Variants in ADGRB3 observed in about 807,000 individuals in gnomAD.
ADGRB3 encodes the protein brain-specific angiogenesis inhibitor 3.
In ADGRB3, 37 loss-of-function variants were observed where a neutral mutation model predicts 193.4. The ratio of observed to expected loss-of-function variants is 0.19; its 90% confidence interval spans 0.15 to 0.25. The LOEUF (loss-of-function observed/expected upper bound fraction) is 0.25, where lower values mean the gene tolerates loss of function less well. ADGRB3 is among the 10% of genes least tolerant of loss of function. ADGRB3 has a pLI of 1.00. For synonymous variants in ADGRB3, 690 were observed against 644.2 expected (o/e 1.07, Z -1.08); for missense variants, 1,637 against 1,852.9 (o/e 0.88, Z 2.14).
At chr6:69,038,237 C>A (rs1770931906) in intron 13 of ADGRB3, among the ~76,000 whole-genome samples, 1 of 152,052 alleles carries the variant, frequency 6.6e-6, no homozygotes, top group Admixed American at 6.6e-5. Flanking sequence ...TTTTTGCCTG[C>A]ATTGGTGCCT....
rs150800076 is a variant in ADGRB3, at chr6:69,139,873, C to G, written c.2480+63835C>G. On this transcript the variant is annotated intron_variant, in intron 17 of 31. Coordinates refer to ENST00000370598, the MANE Select transcript of ADGRB3 (RefSeq NM_001704.3). ...AAAGTGAATAAGTAAGAATATTTTTCTATTTTGAAGGTAATTTAGAAGTCA... is the reference window on the plus strand; with the variant it reads ...AAAGTGAATAAGTAAGAATATTTTTGTATTTTGAAGGTAATTTAGAAGTCA... 3.5e-3 allele frequency among the ~76,000 whole-genome samples: 538 copies of G among 152,192 alleles called. 3 individuals are homozygous for G. The highest frequency in any genetic ancestry group is 7.5e-3 in the Admixed American group (115 of 15,284).
At chr6:69,057,836 G>A (rs1771591066) in intron 15 of ADGRB3, among the ~76,000 whole-genome samples, 1 of 151,910 alleles carries the variant, frequency 6.6e-6, no homozygotes, top group African/African-American at 2.4e-5. Flanking sequence ...TGGTTTGCTA[G>A]CATTTTGTTG....
chr6:68,793,156 G>A (rs1340033942), intron 3 of ADGRB3, among the ~76,000 whole-genome samples: 1 of 152,088 alleles, frequency 6.6e-6, no homozygotes, highest in African/African-American at 2.4e-5. Context: ...TAAGTAGACT[G>A]AAATAGCACA....
At chr6:69,089,567 TA>T (rs535761783) in intron 17 of ADGRB3, among the ~76,000 whole-genome samples, 21 of 152,258 alleles carry the variant, frequency 1.4e-4, no homozygotes, top group African/African-American at 4.8e-4. Flanking sequence ...CACTGGAAAA[TA>T]AAAAAATAAA....
At chr6:69,124,900 T>G (rs1165892141) in intron 17 of ADGRB3, among the ~76,000 whole-genome samples, 1 of 152,100 alleles carries the variant, frequency 6.6e-6, no homozygotes, top group Non-Finnish European at 1.5e-5. Flanking sequence ...TTTTTTTCTT[T>G]AAATGCCTTA....
intron 17 of ADGRB3, among the ~76,000 whole-genome samples, chr6:69,111,217 C>A (rs1295907896): frequency 1.3e-5 from 2 of 152,098 alleles, no homozygotes; most frequent in African/African-American, 4.8e-5. Flanking sequence ...ATAGCACAAC[C>A]ATTCTTAGGA....
intron 17 of ADGRB3, among the ~76,000 whole-genome samples, chr6:69,114,953 T>C (rs538351975): frequency 1.3e-5 from 2 of 152,246 alleles, no homozygotes; most frequent in East Asian, 3.9e-4. Context: ...CAACAGATGC[T>C]GGAGAGGATG....
At chr6:69,201,746 A>C (rs1765421409) in intron 17 of ADGRB3, among the ~76,000 whole-genome samples, 1 of 152,056 alleles carries the variant, frequency 6.6e-6, no homozygotes. Context: ...CCTTCCATGA[A>C]ATTTCTTTTA....
chr6:68,914,392 C>T (rs1766816615), intron 3 of ADGRB3, among the ~76,000 whole-genome samples: 1 of 152,176 alleles, frequency 6.6e-6, no homozygotes, highest in South Asian at 2.1e-4. Context: ...CAATATTCAA[C>T]ATTCTTAAAG....
At chr6:68,918,647 A>G (rs1171429328) in intron 3 of ADGRB3, among the ~76,000 whole-genome samples, 1 of 152,158 alleles carries the variant, frequency 6.6e-6, no homozygotes, top group African/African-American at 2.4e-5. Flanking sequence ...AATATTTCTA[A>G]AGATTCTTTG....
At chr6:68,824,893 C>A (rs767974586) in intron 3 of ADGRB3, among the ~76,000 whole-genome samples, 1 of 151,926 alleles carries the variant, frequency 6.6e-6, no homozygotes, top group Non-Finnish European at 1.5e-5. Context: ...ATCACTCTGT[C>A]GCCCAAGCTG....
intron 20 of ADGRB3, among the ~76,000 whole-genome samples, chr6:69,275,672 T>C (rs1365416564): frequency 6.6e-6 from 1 of 151,942 alleles, no homozygotes; most frequent in Non-Finnish European, 1.5e-5. Context: ...TTTAAATATA[T>C]TTTTGTTATA....
intron 3 of ADGRB3, among the ~76,000 whole-genome samples, chr6:68,710,112 A>C (rs911519025): frequency 2.6e-5 from 4 of 152,214 alleles, no homozygotes; most frequent in Non-Finnish European, 4.4e-5. Context: ...TCCAGAGCTC[A>C]TGCTCTTAAC....
rs186123555 is a variant in ADGRB3, at chr6:68,871,092, G to A, written c.758-59467G>A. ...TTGAATATGAGGAATGTACTAAGGC[G>A]GATGGAAAAGTCAGTCCCAGCATAT... On this transcript the variant is annotated intron_variant, in intron 3 of 31. Transcript: ENST00000370598. 2.2e-3 allele frequency among the ~76,000 whole-genome samples: 340 copies of A among 152,126 alleles called. 3 individuals carry two copies. The highest frequency in any genetic ancestry group is 7.6e-3 in the African/African-American group (317 of 41,502).
chr6:69,227,176 T>C (rs74665588), intron 17 of ADGRB3, among the ~76,000 whole-genome samples: 3,808 of 152,184 alleles, frequency 0.025, 151 homozygotes, highest in African/African-American at 0.087. Flanking sequence ...AAGAGTGCAT[T>C]CTGGGCCAAG....
At position 68,881,534 on chromosome 6, in the gene ADGRB3, T is replaced by G. The variant is rs75323297; in HGVS notation, c.758-49025T>G. Among the ~76,000 whole-genome samples, 123 of 152,264 alleles carry G rather than the reference T, an allele frequency of 8.1e-4. No individual in the cohort carries two copies. The East Asian group carries it at 0.022, about 27-fold the overall frequency. On this transcript the variant is annotated intron_variant, in intron 3 of 31. Coordinates refer to ENST00000370598, the MANE Select transcript of ADGRB3 (RefSeq NM_001704.3). ...GACTAAGACACATTCTTTCTCTTCT[T>G]GTAGTTTTGCATTTAGTAAGTGTGG...
chr6:68,661,465 GTA>G (rs1399607486), intron 3 of ADGRB3, among the ~76,000 whole-genome samples: 3 of 116,034 alleles, frequency 2.6e-5, no homozygotes, highest in Admixed American at 9.7e-5. Flanking sequence ...ATATATGTGT[GTA>G]TATATATGTG....
chr6:69,314,470 A>G (rs535243221), intron 20 of ADGRB3, among the ~76,000 whole-genome samples: 10 of 151,596 alleles, frequency 6.6e-5, no homozygotes, highest in Non-Finnish European at 1.3e-4. Flanking sequence ...AGATATTTTA[A>G]TTATGTAGAA....
At chr6:69,035,983 C>T (rs1240395390) in intron 13 of ADGRB3, among the ~76,000 whole-genome samples, 3 of 152,106 alleles carry the variant, frequency 2.0e-5, no homozygotes, top group Non-Finnish European at 2.9e-5. Context: ...GGATACATCA[C>T]ATTTGAGATG....
Sources: gnomAD v4.1 joint callset for allele counts (sites outside exome capture counted in the v4.1 genomes callset) on GRCh38, gnomAD v4.1.1 for gene constraint, MANE v1.5 for transcripts, NCBI Gene and HGNC (gene_info 2026-07-23, HGNC 2026-07-21) for gene names.